The following DNM3 variants were observed in gnomAD, a reference collection of about 807,000 sequenced individuals.
DNM3 encodes the protein dynamin-3.
A neutral mutation model predicts 101.6 loss-of-function variants in DNM3; 47 were observed. That is an observed-to-expected ratio of 0.46 (90% CI 0.37 to 0.59). The LOEUF is 0.59. DNM3 is among the 20% of genes least tolerant of loss of function. The probability of loss-of-function intolerance (pLI) is 0.00; values close to 1 mark genes in which losing one functional copy is unlikely to be tolerated. For synonymous variants in DNM3, 385 were observed against 387.9 expected (o/e 0.99, Z 0.09); for missense variants, 849 against 1,085.7 (o/e 0.78, Z 3.06).
Position 172,218,988 on chromosome 1 carries a change from A to T in DNM3, c.1660-34585A>T, listed in dbSNP as rs141934974. 3.7e-3 allele frequency among the ~76,000 whole-genome samples: 567 copies of T among 152,250 alleles called. 2 individuals carry two copies. Among genetic ancestry groups the T allele is most frequent in the African/African-American group, 0.013 (533 of 41,542 alleles). On this transcript the variant is annotated intron_variant, in intron 14 of 20. Transcript: ENST00000627582. ...TATTAATACTTTAGTTTTAAAAATT[A>T]AATTAATTATTTCAACAAACTTGCC...
chr1:172,191,333 T>C lies in DNM3; in HGVS notation c.1659+60045T>C, dbSNP rs561677994. 1.2e-4 allele frequency among the ~76,000 whole-genome samples: 18 copies of C among 152,232 alleles called. No homozygotes were observed. In the East Asian group the frequency reaches 2.9e-3, roughly 25 times the overall value. On this transcript the variant is annotated intron_variant, in intron 14 of 20. Transcript: ENST00000627582. Reference sequence around the variant, plus strand: ...CAAAGATCAGATGATTGTAGATATGTGGTATTATTTCTGAGGGCTCTATTC... The same window carrying C: ...CAAAGATCAGATGATTGTAGATATGCGGTATTATTTCTGAGGGCTCTATTC...
intron 2 of DNM3, among the ~76,000 whole-genome samples, chr1:171,946,527 G>A (rs1185825681): frequency 1.3e-5 from 2 of 152,126 alleles, no homozygotes; most frequent in South Asian, 2.1e-4. Context: ...CTGATTGACA[G>A]GCATTCTTTC....
At chr1:171,905,182 T>C (rs1318982869) in intron 1 of DNM3, among the ~76,000 whole-genome samples, 1 of 152,218 alleles carries the variant, frequency 6.6e-6, no homozygotes, top group African/African-American at 2.4e-5. Flanking sequence ...CATATACACA[T>C]GCATATGTTA....
chr1:172,070,191 G>A (rs1250398626), intron 11 of DNM3, among the ~76,000 whole-genome samples: 1 of 152,134 alleles, frequency 6.6e-6, no homozygotes, highest in South Asian at 2.1e-4. Flanking sequence ...AGCTGCAATA[G>A]CCAAAAGAGG....
chr1:172,054,942 A>G (rs2050478606), intron 10 of DNM3, among the ~76,000 whole-genome samples: 1 of 152,120 alleles, frequency 6.6e-6, no homozygotes, highest in South Asian at 2.1e-4. Flanking sequence ...CCAGGCAACA[A>G]CAGCGAGACT....
At chr1:172,316,239 C>T (rs543639677) in intron 16 of DNM3, among the ~76,000 whole-genome samples, 1 of 151,884 alleles carries the variant, frequency 6.6e-6, no homozygotes, top group Non-Finnish European at 1.5e-5. Flanking sequence ...CTGAAGGAAG[C>T]ACTAAACATG....
rs142151587 is a variant in DNM3 at position 172,053,671 on chromosome 1, A to G, written c.1335+4921A>G. Reference sequence around the variant, plus strand: ...CTAAAGTTATCCAGTGGTCAAAAATATATATACTTGGTTTTAAAATAGTAT... The same window carrying G: ...CTAAAGTTATCCAGTGGTCAAAAATGTATATACTTGGTTTTAAAATAGTAT... On this transcript the variant is annotated intron_variant, in intron 10 of 20. Transcript: ENST00000627582. Among the ~76,000 whole-genome samples, 218 of 152,302 alleles carry G rather than the reference A, an allele frequency of 1.4e-3. 1 individual carries two copies. Among genetic ancestry groups the G allele is most frequent in the South Asian group, 8.7e-3 (42 of 4,828 alleles).
In DNM3 at chr1:172,042,067, G is replaced by T; in HGVS notation, c.1051G>T (p.Val351Leu). ...GAGAATTGAAGGGTCAGGGGATCAAGTAGATACCCTGGAACTCTCAGGTGG... is the reference window on the plus strand; with the variant it reads ...GAGAATTGAAGGGTCAGGGGATCAATTAGATACCCTGGAACTCTCAGGTGG... ...EKRIEGSGDQ[V>L]DTLELSGGAK... Residue 351 changes from valine to leucine, a missense_variant, in exon 8 of 21, where the codon GTA becomes TTA. Transcript: ENST00000627582. 1 of 1,610,926 alleles carries T rather than the reference G, an allele frequency of 6.2e-7. No homozygotes were observed. The highest frequency in any genetic ancestry group is 8.5e-7 in the Non-Finnish European group (1 of 1,178,722).
intron 14 of DNM3, among the ~76,000 whole-genome samples, chr1:172,253,255 A>G (rs923159990): frequency 2.0e-5 from 3 of 152,114 alleles, no homozygotes; most frequent in African/African-American, 7.2e-5. Flanking sequence ...ACGGAGGACC[A>G]TGTGTTTTCT....
chr1:171,896,722 G>GA (rs1439192788), intron 1 of DNM3, among the ~76,000 whole-genome samples: 1 of 152,062 alleles, frequency 6.6e-6, no homozygotes. Context: ...AATAAACTAT[G>GA]ACAAAACACT....
At chr1:172,044,550 G>C in intron 9 of DNM3, 98 bp downstream of exon 9, 5 of 1,004,646 alleles carry the variant, frequency 5.0e-6, no homozygotes, top group South Asian at 3.2e-5. Flanking sequence ...TCATTGAATA[G>C]GGTAGAATAC....
intron 15 of DNM3, among the ~76,000 whole-genome samples, chr1:172,260,715 G>T (rs1014794216): frequency 6.6e-6 from 1 of 151,882 alleles, no homozygotes; most frequent in African/African-American, 2.4e-5. Flanking sequence ...TTCATATCCT[G>T]AATTGTTTTT....
At chr1:172,313,238 GTAAT>G (rs1315002196) in intron 16 of DNM3, among the ~76,000 whole-genome samples, 3 of 152,152 alleles carry the variant, frequency 2.0e-5, no homozygotes, top group African/African-American at 7.2e-5. Context: ...TGTCTCTAAT[GTAAT>G]TAATTGTTAT....
At chr1:172,056,237 A>G (rs2050605119) in intron 10 of DNM3, among the ~76,000 whole-genome samples, 1 of 152,218 alleles carries the variant, frequency 6.6e-6, no homozygotes, top group Admixed American at 6.5e-5. Flanking sequence ...GTCTGAGATC[A>G]AACTGCAAGG....
At chr1:171,991,868 G>A (rs1031463172) in intron 4 of DNM3, among the ~76,000 whole-genome samples, 5 of 152,184 alleles carry the variant, frequency 3.3e-5, no homozygotes, top group Non-Finnish European at 4.4e-5. Flanking sequence ...AATGCGTACC[G>A]CAATATGACA....
At chr1:172,119,799 A>G (rs891635852) in intron 13 of DNM3, among the ~76,000 whole-genome samples, 1 of 152,152 alleles carries the variant, frequency 6.6e-6, no homozygotes, top group Non-Finnish European at 1.5e-5. Context: ...AATGTGCCTC[A>G]ACAGTCTGTT....
chr1:172,211,930 A>G (rs893132585), intron 14 of DNM3, among the ~76,000 whole-genome samples: 1 of 152,086 alleles, frequency 6.6e-6, no homozygotes, highest in African/African-American at 2.4e-5. Flanking sequence ...ATTTATGAGG[A>G]TGAAGGAGGG....
intron 1 of DNM3, among the ~76,000 whole-genome samples, chr1:171,902,663 G>A (rs528931559): frequency 9.2e-5 from 14 of 151,522 alleles, no homozygotes; most frequent in African/African-American, 3.2e-4. Context: ...GTTACCTACC[G>A]TCTTTTATGT....
At chr1:171,951,837 A>C (rs565356961) in intron 2 of DNM3, among the ~76,000 whole-genome samples, 1 of 152,342 alleles carries the variant, frequency 6.6e-6, no homozygotes, top group East Asian at 1.9e-4. Context: ...AGTGAGCTTA[A>C]GTGGTTACAG....
Sources: allele counts gnomAD v4.1 joint callset (sites outside exome capture counted in the v4.1 genomes callset), GRCh38; gene constraint gnomAD v4.1.1; transcripts MANE v1.5; gene names NCBI Gene and HGNC (gene_info 2026-07-23, HGNC 2026-07-21).